Variants in PPP2R2C observed in about 807,000 individuals in gnomAD.
PPP2R2C encodes protein phosphatase 2, regulatory subunit B, gamma.
PPP2R2C carries 10 observed loss-of-function variants against 45.3 expected under a neutral mutation model. The observed-to-expected ratio is 0.22, with a 90% CI of 0.14 to 0.37. The LOEUF is 0.37. Among genes scored for constraint, PPP2R2C ranks in the 10% least tolerant of loss-of-function variants. PPP2R2C has a pLI of 1.00. For missense variants in PPP2R2C, 308 were observed against 619.7 expected, an observed-to-expected ratio of 0.50 and a Z score of 5.34; for synonymous variants, 257 against 245.4, an observed-to-expected ratio of 1.05 and a Z score of -0.44.
chr4:6,336,062 G>T (rs1309347640), intron 6 of PPP2R2C, among the ~76,000 whole-genome samples: 1 of 152,160 alleles, frequency 6.6e-6, no homozygotes, highest in Non-Finnish European at 1.5e-5. Flanking sequence ...CTGGCGTCAA[G>T]ATCAGGAAGG....
intron 1 of PPP2R2C, chr4:6,414,169 CT>C: frequency 6.1e-6 from 6 of 981,698 alleles, no homozygotes; most frequent in South Asian, 4.5e-5. Context: ...CCTAGTATGC[CT>C]TTTTCCTCCT....
intron 6 of PPP2R2C, among the ~76,000 whole-genome samples, chr4:6,342,044 G>A (rs1733482749): frequency 6.8e-6 from 1 of 147,412 alleles, no homozygotes; most frequent in Non-Finnish European, 1.5e-5. Flanking sequence ...GATTTTCCCA[G>A]TAAATATACT....
intron 5 of PPP2R2C, among the ~76,000 whole-genome samples, chr4:6,369,878 A>C (rs1714660069): frequency 6.6e-6 from 1 of 152,154 alleles, no homozygotes; most frequent in Admixed American, 6.5e-5. Flanking sequence ...TCTCCCATTC[A>C]TCCCCATGTC....
chr4:6,450,042 T>C (rs1011506931), intron 1 of PPP2R2C, among the ~76,000 whole-genome samples: 2 of 152,236 alleles, frequency 1.3e-5, no homozygotes, highest in African/African-American at 4.8e-5. Flanking sequence ...TAGATAGCTT[T>C]GCGGGTTGCA....
intron 8 of PPP2R2C, among the ~76,000 whole-genome samples, chr4:6,326,923 G>C (rs1250816390): frequency 6.6e-6 from 1 of 152,248 alleles, no homozygotes; most frequent in African/African-American, 2.4e-5. Context: ...GCAACTGGGA[G>C]CCTGCCAGGA....
chr4:6,338,029 C>T (rs1733122841), intron 6 of PPP2R2C, among the ~76,000 whole-genome samples: 1 of 152,034 alleles, frequency 6.6e-6, no homozygotes, highest in African/African-American at 2.4e-5. Flanking sequence ...CGCACGCAAA[C>T]ACACACACAT....
intron 1 of PPP2R2C, among the ~76,000 whole-genome samples, chr4:6,549,764 C>G (rs1220360490): frequency 6.6e-6 from 1 of 152,198 alleles, no homozygotes; most frequent in African/African-American, 2.4e-5. Flanking sequence ...GTATGAGCTA[C>G]TTTCCCACGT....
chr4:6,554,352 G>A (rs1004116593), intron 1 of PPP2R2C, among the ~76,000 whole-genome samples: 2 of 152,148 alleles, frequency 1.3e-5, no homozygotes, highest in East Asian at 1.9e-4. Context: ...CAATAAGCTG[G>A]GAGAGGGGTA....
rs115046169 is a variant in PPP2R2C, at chr4:6,459,204, G to A, written c.70+12956C>T. The stretch of plus-strand genomic sequence containing the variant: ...TGCCTGAGGGCTGGAGGCTCTACCT[G>A]TAAGATGGCTCACTCACCTGCTGGC... On this transcript the variant is annotated intron_variant, in intron 1 of 8. Transcript: ENST00000382599. Among the ~76,000 whole-genome samples, 310 of 152,276 alleles carry A rather than the reference G, an allele frequency of 2.0e-3. No homozygotes were observed. In the Middle Eastern group the frequency reaches 0.027, roughly 13 times the overall value.
chr4:6,463,264 T>C (rs750812300), intron 1 of PPP2R2C, among the ~76,000 whole-genome samples: 90 of 151,670 alleles, frequency 5.9e-4, no homozygotes, highest in Non-Finnish European at 1.1e-3. Context: ...ATGAAGAAGC[T>C]GCCAAGGGCA....
rs192982274 is a variant in PPP2R2C at position 6,329,730 on chromosome 4, G to A, written c.961-377C>T. On this transcript the variant is annotated intron_variant, in intron 7 of 8. Transcript: ENST00000382599. The surrounding 1 kb of genome is among the most constrained non-coding windows in gnomAD (Gnocchi z 5.8). ...TGACCTCTGAGCTGTGGCCAGAGAC[G>A]GGAGTAGCACCAGGGAGCAGAGTCC... Among the ~76,000 whole-genome samples the A allele has an allele frequency of 6.0e-4, 91 of 152,222 alleles. No individual in the cohort carries two copies. The highest frequency in any genetic ancestry group is 3.7e-3 in the East Asian group (19 of 5,164).
At chr4:6,550,863 C>T (rs1374617760) in intron 1 of PPP2R2C, among the ~76,000 whole-genome samples, 2 of 152,208 alleles carry the variant, frequency 1.3e-5, no homozygotes, top group African/African-American at 4.8e-5. Flanking sequence ...CCAGGCTGAT[C>T]TTGAATTACT....
intron 1 of PPP2R2C, among the ~76,000 whole-genome samples, chr4:6,550,104 C>T (rs910014160): frequency 6.6e-6 from 1 of 152,184 alleles, no homozygotes; most frequent in Non-Finnish European, 1.5e-5. Context: ...GCCTGGGCCC[C>T]AGTCTCACCT....
At chr4:6,559,726 TGA>T (rs1725516545) in intron 1 of PPP2R2C, among the ~76,000 whole-genome samples, 1 of 152,140 alleles carries the variant, frequency 6.6e-6, no homozygotes, top group African/African-American at 2.4e-5. Flanking sequence ...CCTTCCACCC[TGA>T]GAGGGTACTG....
At chr4:6,408,252 G>C (rs1327588395) in intron 1 of PPP2R2C, among the ~76,000 whole-genome samples, 1 of 152,146 alleles carries the variant, frequency 6.6e-6, no homozygotes, top group Non-Finnish European at 1.5e-5. Flanking sequence ...CCCCCAAAAG[G>C]ATGCAAAAAC....
chr4:6,435,191 C>G (rs889208218), intron 1 of PPP2R2C, among the ~76,000 whole-genome samples: 1 of 152,150 alleles, frequency 6.6e-6, no homozygotes, highest in African/African-American at 2.4e-5. Context: ...CTCTCTCTCT[C>G]TTTACATTAA....
chr4:6,412,675 A>C (rs1410535890), intron 1 of PPP2R2C, among the ~76,000 whole-genome samples: 1 of 152,244 alleles, frequency 6.6e-6, no homozygotes, highest in South Asian at 2.1e-4. Flanking sequence ...CTGCAGGGAG[A>C]AGGCTGATTG....
intron 1 of PPP2R2C, among the ~76,000 whole-genome samples, chr4:6,435,507 A>T (rs991340877): frequency 1.3e-5 from 2 of 152,178 alleles, no homozygotes; most frequent in Non-Finnish European, 2.9e-5. Flanking sequence ...TTTCTTGCGC[A>T]TATTTTTCAT....
chr4:6,386,289 C>T (rs1237748004), intron 1 of PPP2R2C, among the ~76,000 whole-genome samples: 5 of 152,150 alleles, frequency 3.3e-5, no homozygotes, highest in Admixed American at 1.3e-4. Flanking sequence ...AGAACTCAGA[C>T]GGAAAGCCAG....
Sources: allele counts gnomAD v4.1 joint callset (sites outside exome capture counted in the v4.1 genomes callset), GRCh38; gene constraint gnomAD v4.1.1; non-coding constraint Gnocchi (gnomAD v3.1); transcripts MANE v1.5; gene names NCBI Gene and HGNC (gene_info 2026-07-23, HGNC 2026-07-21).